OTUD7B: variants seen among roughly 807,000 people sequenced by gnomAD.
OTUD7B encodes the protein OTU deubiquitinase 7B, also known as OTU domain-containing protein 7B.
A neutral mutation model predicts 82.2 loss-of-function variants in OTUD7B; 34 were observed. The observed-to-expected ratio is 0.41, with a 90% confidence interval of 0.31 to 0.55. OTUD7B has a LOEUF of 0.55. OTUD7B is among the 20% of genes least tolerant of loss of function. The pLI is 0.20. For missense variants in OTUD7B, 944 were observed against 1,062.1 expected (o/e 0.89, Z 1.55); for synonymous variants, 398 against 402.7 (o/e 0.99, Z 0.14).
the OTUD7B span, chr1:150,048,374 G>C: frequency 7.2e-5 from 11 of 152,074 alleles, no homozygotes; most frequent in African/African-American, 2.7e-4. Context: ...AACACCATTT[G>C]GGGGGTTTCA....
intron 1 of OTUD7B, among the ~76,000 whole-genome samples, chr1:150,003,969 G>A (rs79644331): frequency 0.011 from 1,689 of 152,242 alleles, 37 homozygotes; most frequent in African/African-American, 0.039. Flanking sequence ...TCCCCAAAAT[G>A]AGGAAAGCTT....
intron 1 of OTUD7B, among the ~76,000 whole-genome samples, chr1:149,983,688 A>G (rs1324532839): frequency 6.6e-6 from 1 of 152,124 alleles, no homozygotes; most frequent in African/African-American, 2.4e-5. Flanking sequence ...GGACCCTGTT[A>G]AAGATTTGAG....
At chr1:149,992,479 T>TTTG (rs1651650172) in intron 1 of OTUD7B, among the ~76,000 whole-genome samples, 81 of 6,838 alleles carry the variant, frequency 0.012, 4 homozygotes, top group South Asian at 0.036. Flanking sequence ...TTTTTTTTTT[T>TTTG]TTTTTTTTTT....
At chr1:150,059,049 TTTTC>T in the OTUD7B span, among the ~76,000 whole-genome samples, 2 of 147,006 alleles carry the variant, frequency 1.4e-5, no homozygotes, top group African/African-American at 2.6e-5. Flanking sequence ...TCTTACTTTC[TTTTC>T]TTTTTTTTTT....
the OTUD7B span, among the ~76,000 whole-genome samples, chr1:150,063,487 G>A: frequency 2.2e-4 from 34 of 152,162 alleles, no homozygotes; most frequent in Non-Finnish European, 4.7e-4. Flanking sequence ...TGGAGTGGTT[G>A]CAATACAGAA....
chr1:150,010,122 T>A (rs1652938702), intron 1 of OTUD7B, among the ~76,000 whole-genome samples: 1 of 152,118 alleles, frequency 6.6e-6, no homozygotes, highest in Non-Finnish European at 1.5e-5. Context: ...CTTAATCACC[T>A]TAAAACTCCA....
Position 149,944,980 on chromosome 1 carries a change from T to A in OTUD7B, c.1409A>T (p.Glu470Val). The A allele has an allele frequency of 6.2e-7, 1 of 1,614,156 alleles. No individual in the cohort carries two copies. Residue 470 changes from glutamate to valine, a missense_variant, in exon 12 of 12, where the codon GAG becomes GTG. By Grantham distance (121) the Glu-to-Val change is moderately radical. Transcript: ENST00000581312. ...GCTGGTGGAACTGCTGCCAACTGAC[T>A]CCTTGTCTGAGTCTCCAGACTCAGG... ...STPESGDSDKESVGSSSTSNE... is the reference protein window; with the variant it reads ...STPESGDSDKVSVGSSSTSNE...
chr1:150,045,282 T>C, the OTUD7B span, among the ~76,000 whole-genome samples: 1 of 151,414 alleles, frequency 6.6e-6, no homozygotes. Context: ...TTAGTAGAAA[T>C]AGGGTTTCAC....
At chr1:150,056,841 T>C in the OTUD7B span, among the ~76,000 whole-genome samples, 1 of 152,144 alleles carries the variant, frequency 6.6e-6, no homozygotes, top group Non-Finnish European at 1.5e-5. Context: ...AAGAAAATAA[T>C]CACCATTAGA....
chr1:150,065,849 G>GTTTTTTTTTTTTTTTTTTTTTTTT, the OTUD7B span, among the ~76,000 whole-genome samples: 10 of 151,632 alleles, frequency 6.6e-5, no homozygotes, highest in African/African-American at 2.4e-4. Context: ...TGTTCAAAAT[G>GTTTTTTTTTTTTTTTTTTTTTTTT]TTTATGTTCC....
At chr1:150,065,796 T>C in the OTUD7B span, among the ~76,000 whole-genome samples, 2 of 150,540 alleles carry the variant, frequency 1.3e-5, no homozygotes, top group Non-Finnish European at 2.9e-5. Context: ...GCTGTCTAAC[T>C]TCAGGACCAT....
intron 1 of OTUD7B, among the ~76,000 whole-genome samples, chr1:149,978,324 T>C (rs913386979): frequency 1.3e-5 from 2 of 152,130 alleles, no homozygotes; most frequent in African/African-American, 4.8e-5. Context: ...CTGGCCAACA[T>C]GGCGAAACCC....
chr1:150,043,729 T>C, the OTUD7B span, among the ~76,000 whole-genome samples: 2 of 152,182 alleles, frequency 1.3e-5, no homozygotes, highest in African/African-American at 4.8e-5. Flanking sequence ...GTTATAATTA[T>C]TATAACATTT....
At chr1:150,031,951 A>C in the OTUD7B span, among the ~76,000 whole-genome samples, 4 of 152,178 alleles carry the variant, frequency 2.6e-5, no homozygotes, top group Non-Finnish European at 4.4e-5. Flanking sequence ...CTATAAACAC[A>C]CATACTTTAA....
chr1:150,054,215 G>A, the OTUD7B span: 1 of 427,668 alleles, frequency 2.3e-6, no homozygotes, highest in Non-Finnish European at 4.4e-6. Context: ...TTATCTTACT[G>A]AAGATGTGCT....
the OTUD7B span, among the ~76,000 whole-genome samples, chr1:150,019,398 T>C: frequency 6.6e-6 from 1 of 152,152 alleles, no homozygotes; most frequent in South Asian, 2.1e-4. Context: ...GACAGGGTCT[T>C]GCTCTGTTGC....
At chr1:149,989,915 G>C (rs1651449343) in intron 1 of OTUD7B, among the ~76,000 whole-genome samples, 1 of 152,052 alleles carries the variant, frequency 6.6e-6, no homozygotes, top group African/African-American at 2.4e-5. Flanking sequence ...AATCTCATTT[G>C]ATCTATAGGC....
At chr1:150,028,661 TA>T in the OTUD7B span, among the ~76,000 whole-genome samples, 282 of 152,288 alleles carry the variant, frequency 1.9e-3, no homozygotes, top group Non-Finnish European at 3.2e-3. Flanking sequence ...CTATATTTTT[TA>T]TTGCTTTATG....
At position 149,959,807 on chromosome 1, in the gene OTUD7B, G is replaced by A. The variant is rs1385235650; in HGVS notation, c.733-11C>T. On this transcript the variant is annotated splice_polypyrimidine_tract_variant and intron_variant, in intron 6 of 11. Transcript: ENST00000581312. Reference sequence around the variant, plus strand: ...GTATACCAGCCCTGACTGTGTGAAGGACAGGCAGGGGACATTGGGCAATTA... The same window carrying A: ...GTATACCAGCCCTGACTGTGTGAAGAACAGGCAGGGGACATTGGGCAATTA... 3 of 1,562,514 alleles carry A rather than the reference G, an allele frequency of 1.9e-6. No homozygotes were observed. In the African/African-American group the frequency reaches 4.1e-5, roughly 21 times the overall value.
Sources: gnomAD v4.1 joint callset for allele counts (sites outside exome capture counted in the v4.1 genomes callset) on GRCh38, gnomAD v4.1.1 for gene constraint, MANE v1.5 for transcripts, NCBI Gene and HGNC (gene_info 2026-07-23, HGNC 2026-07-21) for gene names.